GLDC: variants seen among roughly 807,000 people sequenced by gnomAD.
GLDC encodes the protein glycine decarboxylase, also known as glycine dehydrogenase (decarboxylating), mitochondrial.
In GLDC, 104 loss-of-function variants were observed where a neutral mutation model predicts 121.3. The observed-to-expected ratio is 0.86, with a 90% confidence interval of 0.73 to 1.01. The LOEUF is 1.01. Ranked by LOEUF, GLDC falls within the 50% of genes least tolerant of loss-of-function variation. GLDC has a pLI of 0.00. For synonymous variants in GLDC, 546 were observed against 480.6 expected, an observed-to-expected ratio of 1.14 and a Z score of -1.78; for missense variants, 1,429 against 1,306.6, an observed-to-expected ratio of 1.09 and a Z score of -1.44.
Position 6,592,236 on chromosome 9 carries a change from A to T in GLDC, c.1402-13T>A. 1 of 1,524,592 alleles carries T rather than the reference A, an allele frequency of 6.6e-7. No homozygotes were observed. Among genetic ancestry groups the T allele is most frequent in the Non-Finnish European group, 9.1e-7 (1 of 1,099,190 alleles). 94.4% of individuals were successfully genotyped at this position (1,524,592 alleles called of 1,614,324 possible). A position where few individuals can be genotyped will look rare whatever the true frequency, so the allele number is the denominator to read the frequency against. On this transcript the variant is annotated splice_polypyrimidine_tract_variant and intron_variant, in intron 10 of 24. Coordinates refer to ENST00000321612, the MANE Select transcript of GLDC (RefSeq NM_000170.3). ...GAGAAATACCAAGCTACAGAAACAC[A>T]AACAAAATGGAAAACATCAACTCTA...
intron 15 of GLDC, among the ~76,000 whole-genome samples, chr9:6,568,645 C>T (rs952980827): frequency 2.0e-5 from 3 of 151,658 alleles, no homozygotes; most frequent in Admixed American, 1.3e-4. Context: ...ATCAGGAGTT[C>T]GAGACCAGCC....
Position 6,536,256 on chromosome 9 carries a change from AACTTGCCTC to A in GLDC, c.2666-29_2666-21del. 6.2e-7 allele frequency: 1 copy of A among 1,609,546 alleles called. No individual in the cohort carries two copies. Among genetic ancestry groups the A allele is most frequent in the Middle Eastern group, 1.7e-4 (1 of 6,058 alleles). ...GAAATCCTGCAAAGGGAGACAGGAG[AACTTGCCTC>A]ACTGAAGGTCAGTGGCCTACCCAGT... On this transcript the variant is annotated intron_variant, in intron 22 of 24. Coordinates refer to ENST00000321612, the MANE Select transcript of GLDC (RefSeq NM_000170.3).
At position 6,620,476 on chromosome 9, in the gene GLDC, G is replaced by A. The variant is rs1243780237; in HGVS notation, c.335-157C>T. Among the ~76,000 whole-genome samples, 50 of 144,478 alleles carry A rather than the reference G, an allele frequency of 3.5e-4. 1 individual carries two copies. Among genetic ancestry groups the A allele is most frequent in the Middle Eastern group, 3.5e-3 (1 of 282 alleles). 94.8% of individuals were successfully genotyped at this position (144,478 alleles called of 152,430 possible). On this transcript the variant is annotated intron_variant, in intron 2 of 24. Transcript: ENST00000321612. The stretch of plus-strand genomic sequence containing the variant: ...CCAACCAACACTAAGTACTGTATGC[G>A]ACATCTCAAAAAAAAAAAAAGTCCC...
chr9:6,626,125 T>C (rs1819232275), intron 2 of GLDC, among the ~76,000 whole-genome samples: 1 of 152,018 alleles, frequency 6.6e-6, no homozygotes, highest in Non-Finnish European at 1.5e-5. Flanking sequence ...AAGGTCTCTT[T>C]ACTATGGTTT....
intron 11 of GLDC, among the ~76,000 whole-genome samples, chr9:6,589,805 C>T (rs534484737): frequency 1.1e-4 from 17 of 152,178 alleles, no homozygotes; most frequent in Middle Eastern, 3.4e-3. Flanking sequence ...ACCTGTAATC[C>T]CAGCACTTTG....
Position 6,588,607 on chromosome 9 carries a change from C to G in GLDC, c.1665+11G>C. The G allele has an allele frequency of 6.3e-7, 1 of 1,598,556 alleles. No homozygotes were observed. The highest frequency in any genetic ancestry group is 8.6e-7 in the Non-Finnish European group (1 of 1,165,902). ...AGCTTGGAAATGAGAAAAAAGGCCA[C>G]AAATAACTACCAGTGGAATCATGCT... On this transcript the variant is annotated intron_variant, in intron 13 of 24. Coordinates refer to ENST00000321612, the MANE Select transcript of GLDC (RefSeq NM_000170.3).
At position 6,610,208 on chromosome 9, in the gene GLDC, G is replaced by T. The variant is rs142181803; in HGVS notation, c.619C>A (p.Leu207Met). Reference protein sequence around the residue: ...LDEGTAAAEALQLCYRHNKRR... With the variant: ...LDEGTAAAEAMQLCYRHNKRR... ...GCCTCTCACCTGTAGCACAGCTGCAGTGCCTCTGCGGCTGCAGTCCCCTCA... is the reference window on the plus strand; with the variant it reads ...GCCTCTCACCTGTAGCACAGCTGCATTGCCTCTGCGGCTGCAGTCCCCTCA... The change falls in exon 4 of 25, where the codon CTG becomes ATG. Residue 207 changes from leucine (L) to methionine (M), a missense_variant. Transcript: ENST00000321612. The T allele has an allele frequency of 1.9e-6, 3 of 1,612,086 alleles. No homozygotes were observed. The highest frequency in any genetic ancestry group is 2.7e-5 in the African/African-American group (2 of 74,938).
At chr9:6,610,461 T>C (rs1400192945) in intron 3 of GLDC, 105 bp from the exon 4 acceptor site, 2 of 1,088,678 alleles carry the variant, frequency 1.8e-6, no homozygotes, top group African/African-American at 3.1e-5. Context: ...TTGCCTATCT[T>C]GAGGAGAATT....
intron 2 of GLDC, among the ~76,000 whole-genome samples, chr9:6,631,136 T>C (rs1002775114): frequency 1.3e-5 from 2 of 152,340 alleles, no homozygotes; most frequent in Admixed American, 6.5e-5. Context: ...AACCTGGGGC[T>C]CTGAGTCTCC....
chr9:6,558,396 C>G, intron 17 of GLDC, 163 bp downstream of exon 17: 1 of 792,228 alleles, frequency 1.3e-6, no homozygotes, highest in African/African-American at 1.7e-5. Flanking sequence ...GGGATTTCTC[C>G]CTGTTGGTGA....
At chr9:6,565,536 G>A (rs2129758861) in intron 15 of GLDC, 107 bp from the exon 16 acceptor site, 1 of 836,918 alleles carries the variant, frequency 1.2e-6, no homozygotes, top group Non-Finnish European at 2.1e-6. Context: ...CGTGACACAT[G>A]GTCACTGTCC....
At chr9:6,623,091 C>G (rs140524310) in intron 2 of GLDC, 62,783 of 149,394 alleles carry the variant, frequency 0.42, 17,976 homozygotes, top group African/African-American at 0.66. Context: ...CCCTCTGTCC[C>G]GCCACCACCC....
At chr9:6,618,976 T>C (rs138792657) in intron 3 of GLDC, among the ~76,000 whole-genome samples, 4,647 of 151,614 alleles carry the variant, frequency 0.031, 237 homozygotes, top group African/African-American at 0.11. Context: ...ACCCCGTCTC[T>C]ACTAAAAATG....
intron 2 of GLDC, among the ~76,000 whole-genome samples, chr9:6,630,887 C>G (rs1819361398): frequency 6.6e-6 from 1 of 152,224 alleles, no homozygotes; most frequent in Admixed American, 6.5e-5. Context: ...ATCAAGCCCA[C>G]TTACGCAGTC....
At chr9:6,610,379 T>C in intron 3 of GLDC, 23 bp from the exon 4 acceptor site, 1 of 1,613,008 alleles carries the variant, frequency 6.2e-7, no homozygotes, top group South Asian at 1.1e-5. Flanking sequence ...CAAAAGGTCT[T>C]GTCCAAACTG....
At chr9:6,579,255 C>T (rs1012917864) in intron 15 of GLDC, among the ~76,000 whole-genome samples, 1 of 152,024 alleles carries the variant, frequency 6.6e-6, no homozygotes, top group Non-Finnish European at 1.5e-5. Flanking sequence ...GTCATTCATT[C>T]TAGCTTTTAT....
intron 21 of GLDC, among the ~76,000 whole-genome samples, chr9:6,550,424 C>T (rs901293852): frequency 6.6e-5 from 10 of 151,966 alleles, no homozygotes; most frequent in African/African-American, 1.7e-4. Flanking sequence ...GTCAGGAGTT[C>T]GAGACCAGCC....
chr9:6,545,245 A>G (rs1817363304), intron 21 of GLDC, among the ~76,000 whole-genome samples: 1 of 152,236 alleles, frequency 6.6e-6, no homozygotes, highest in Admixed American at 6.5e-5. Context: ...TTGTGCAAAC[A>G]GCATGGTGTA....
At chr9:6,642,786 T>A (rs1023720525) in intron 2 of GLDC, among the ~76,000 whole-genome samples, 2 of 152,172 alleles carry the variant, frequency 1.3e-5, no homozygotes, top group African/African-American at 4.8e-5. Context: ...TTTGAAAGTC[T>A]CAGGAAGGGA....
Sources: gnomAD v4.1 joint callset for allele counts (sites outside exome capture counted in the v4.1 genomes callset) on GRCh38, gnomAD v4.1.1 for gene constraint, MANE v1.5 for transcripts, NCBI Gene and HGNC (gene_info 2026-07-23, HGNC 2026-07-21) for gene names.